The following SORCS2 variants were observed in gnomAD, a reference collection of about 807,000 sequenced individuals.
SORCS2 encodes the protein sortilin related VPS10 domain containing receptor 2, also known as VPS10 domain-containing receptor SorCS2.
In SORCS2, 100 loss-of-function variants were observed where a neutral mutation model predicts 141.6. That is an observed-to-expected ratio of 0.71 (90% CI 0.60 to 0.83). The LOEUF (loss-of-function observed/expected upper bound fraction) is 0.83. SORCS2 is among the 40% of genes least tolerant of loss of function. SORCS2 has a pLI of 0.00. For missense variants in SORCS2, 1,646 were observed against 1,560.2 expected (o/e 1.05, Z -0.93); for synonymous variants, 789 against 676.9 (o/e 1.17, Z -2.57).
At chr4:7,496,818 G>A (rs1731659896) in intron 2 of SORCS2, among the ~76,000 whole-genome samples, 1 of 152,152 alleles carries the variant, frequency 6.6e-6, no homozygotes, top group Non-Finnish European at 1.5e-5. Context: ...ATCCAAGAAA[G>A]TGGTGAGCGG....
intron 3 of SORCS2, among the ~76,000 whole-genome samples, chr4:7,570,754 C>A (rs991395989): frequency 2.0e-5 from 3 of 151,082 alleles, no homozygotes; most frequent in African/African-American, 7.4e-5. Context: ...TCTCCAGGAA[C>A]CCCCAGTTCT....
At chr4:7,715,350 G>C in intron 17 of SORCS2, 39 bp downstream of exon 17, 1 of 1,608,002 alleles carries the variant, frequency 6.2e-7, no homozygotes, top group East Asian at 2.2e-5. Context: ...CTAAATCCGG[G>C]GGCAGAGCTG....
intron 4 of SORCS2, among the ~76,000 whole-genome samples, chr4:7,641,535 C>T (rs1720727235): frequency 6.6e-6 from 1 of 152,188 alleles, no homozygotes; most frequent in African/African-American, 2.4e-5. Flanking sequence ...CAAACCATGT[C>T]AGGTAACTCT....
At chr4:7,726,697 G>A (rs1183842484) in intron 20 of SORCS2, 83 bp from the exon 21 acceptor site, 1 of 1,535,634 alleles carries the variant, frequency 6.5e-7, no homozygotes, top group Non-Finnish European at 8.8e-7. Context: ...AATGCTCTCA[G>A]TGAGGCAGCG....
At chr4:7,424,965 G>A (rs1026947025) in intron 2 of SORCS2, among the ~76,000 whole-genome samples, 8 of 152,254 alleles carry the variant, frequency 5.3e-5, no homozygotes, top group African/African-American at 1.9e-4. Flanking sequence ...GAGGGCCGCG[G>A]GGTCAGCAGG....
intron 1 of SORCS2, among the ~76,000 whole-genome samples, chr4:7,244,846 A>G (rs1712969707): frequency 6.6e-6 from 1 of 152,208 alleles, no homozygotes; most frequent in Non-Finnish European, 1.5e-5. Context: ...CAGGGTTTTC[A>G]GAATCTTGGT....
rs187635089 is a variant in SORCS2 at position 7,336,418 on chromosome 4, C to G, written c.481-59870C>G. Among the ~76,000 whole-genome samples, 220 of 151,832 alleles carry G rather than the reference C, an allele frequency of 1.4e-3. 1 individual carries two copies. The highest frequency in any genetic ancestry group is 5.0e-3 in the African/African-American group (205 of 41,316). On this transcript the variant is annotated intron_variant, in intron 1 of 26. Coordinates refer to ENST00000507866, the MANE Select transcript of SORCS2 (RefSeq NM_020777.3). ...CCCTTGGCCCCGGCTGAGATCAATG[C>G]GAACAGATGGATGAAGGACTCTTGT...
chr4:7,376,274 TAAAAA>T (rs34885541), intron 1 of SORCS2, among the ~76,000 whole-genome samples: 12 of 147,956 alleles, frequency 8.1e-5, no homozygotes, highest in African/African-American at 2.2e-4. Context: ...ATGCAAAGAG[TAAAAA>T]AAAAAAAAAA....
intron 2 of SORCS2, among the ~76,000 whole-genome samples, chr4:7,522,712 C>G (rs1315823632): frequency 7.7e-6 from 1 of 129,396 alleles, no homozygotes; most frequent in African/African-American, 2.8e-5. Flanking sequence ...CCATCCTTCC[C>G]CTTCTCCCGT....
chr4:7,403,958 T>TGG, intron 2 of SORCS2, among the ~76,000 whole-genome samples: 1 of 16,572 alleles, frequency 6.0e-5, no homozygotes. Flanking sequence ...TGCCTCCATG[T>TGG]GTGTATATAT....
intron 3 of SORCS2, among the ~76,000 whole-genome samples, chr4:7,606,298 C>T (rs1057070622): frequency 1.3e-5 from 2 of 151,942 alleles, no homozygotes; most frequent in South Asian, 4.2e-4. Context: ...TTGTTTTTAG[C>T]GATGGAGAAT....
chr4:7,295,551 C>A (rs560176951), intron 1 of SORCS2, among the ~76,000 whole-genome samples: 13 of 152,278 alleles, frequency 8.5e-5, no homozygotes, highest in African/African-American at 2.9e-4. Flanking sequence ...GAGCCCTTGC[C>A]CAGGGTCCGT....
rs1340640042 is a variant in SORCS2 at position 7,676,056 on chromosome 4, C to T, written c.1168C>T (p.Gln390Ter). 1.3e-6 allele frequency: 2 copies of T among 1,581,702 alleles called. No homozygotes were observed. The highest frequency in any genetic ancestry group is 1.7e-4 in the Middle Eastern group (1 of 6,018). Residue 390 changes from glutamine (Q) to a stop codon, truncating the protein, a stop_gained, in exon 9 of 27, where the codon CAG (glutamine) becomes TAG (stop). Coordinates refer to ENST00000507866, the MANE Select transcript of SORCS2 (RefSeq NM_020777.3). LOFTEE classifies it high-confidence loss of function. ...LPKYALPKDL[Q>*]IISTDESQVF... is the part of the protein sequence containing the mutation. The stretch of plus-strand genomic sequence containing the variant: ...TCCCTGCACATCCCCACAGGATCTG[C>T]AGATCATCAGCACGGACGAGAGTCA...
At chr4:7,292,362 C>T (rs1360026315) in intron 1 of SORCS2, among the ~76,000 whole-genome samples, 1 of 152,018 alleles carries the variant, frequency 6.6e-6, no homozygotes, top group Non-Finnish European at 1.5e-5. Flanking sequence ...CACCCCACAG[C>T]TCCCATCACT....
At chr4:7,707,766 G>A (rs942781861) in intron 14 of SORCS2, among the ~76,000 whole-genome samples, 2 of 152,348 alleles carry the variant, frequency 1.3e-5, no homozygotes, top group African/African-American at 4.8e-5. Flanking sequence ...TTGAATAAAT[G>A]GGTGGTGATG....
chr4:7,297,036 C>T (rs976647872), intron 1 of SORCS2, among the ~76,000 whole-genome samples: 2 of 152,214 alleles, frequency 1.3e-5, no homozygotes, highest in African/African-American at 2.4e-5. Context: ...GACAGCCATG[C>T]CCCCTGTCTT....
At chr4:7,379,244 G>A (rs569118871) in intron 1 of SORCS2, among the ~76,000 whole-genome samples, 1 of 152,290 alleles carries the variant, frequency 6.6e-6, no homozygotes, top group East Asian at 1.9e-4. Context: ...ACTCCCCAGG[G>A]TGCAGCAGGT....
At position 7,303,671 on chromosome 4, in the gene SORCS2, G is replaced by C. The variant is rs138211596; in HGVS notation, c.481-92617G>C. Reference sequence around the variant, plus strand: ...GAGTGTCAGGGTATCTGTTGAGTTGGCGAGCTGCCCACCAGCCTGCTCCCC... The same window carrying C: ...GAGTGTCAGGGTATCTGTTGAGTTGCCGAGCTGCCCACCAGCCTGCTCCCC... On this transcript the variant is annotated intron_variant, in intron 1 of 26. Coordinates refer to ENST00000507866, the MANE Select transcript of SORCS2 (RefSeq NM_020777.3). 3.0e-3 allele frequency among the ~76,000 whole-genome samples: 456 copies of C among 152,356 alleles called. 3 individuals are homozygous for C. Among genetic ancestry groups the C allele is most frequent in the African/African-American group, 0.011 (440 of 41,586 alleles).
At chr4:7,411,555 A>G (rs186888178) in intron 2 of SORCS2, among the ~76,000 whole-genome samples, 2 of 151,316 alleles carry the variant, frequency 1.3e-5, no homozygotes, top group Non-Finnish European at 2.9e-5. Flanking sequence ...TTTGCTATCC[A>G]TCCACCCATC....
Sources: gnomAD v4.1 joint callset for allele counts (sites outside exome capture counted in the v4.1 genomes callset) on GRCh38, gnomAD v4.1.1 for gene constraint, MANE v1.5 for transcripts, NCBI Gene and HGNC (gene_info 2026-07-23, HGNC 2026-07-21) for gene names.